Variants in C4orf50 observed in about 807,000 individuals in gnomAD.
C4orf50 encodes the protein chromosome 4 open reading frame 50, also known as uncharacterized protein C4orf50.
In C4orf50, 80 loss-of-function variants were observed where a neutral mutation model predicts 77.2. The observed-to-expected ratio is 1.04, with a 90% CI of 0.87 to 1.25. The LOEUF is 1.25. C4orf50 is among the 50% of genes most tolerant of loss of function. The pLI, the probability that C4orf50 is intolerant of heterozygous loss-of-function variation, is 0.00. For missense variants in C4orf50, 1,257 were observed against 1,152.9 expected (o/e 1.09, Z -1.31); for synonymous variants, 532 against 465.3 (o/e 1.14, Z -1.84).
chr4:5,968,595 G>T (rs933499911), intron 31 of C4orf50, among the ~76,000 whole-genome samples: 7 of 152,176 alleles, frequency 4.6e-5, no homozygotes, highest in Non-Finnish European at 8.8e-5. Flanking sequence ...GCAGCCTTGA[G>T]ACCTTCACTC....
At position 6,017,942 on chromosome 4, in the gene C4orf50, C is replaced by A. The variant is rs1391581196; in HGVS notation, c.287+203G>T. On this transcript the variant is annotated intron_variant, in intron 23 of 33. Transcript: ENST00000531445. The surrounding 1 kb of genome is among the most constrained non-coding windows in gnomAD (Gnocchi z 4.7). Reference sequence around the variant, plus strand: ...AAATGGAAGCCTTTGAGCAGAGGAGCCCGGGCAGCCTCATCTGCAGGTACA... The same window carrying A: ...AAATGGAAGCCTTTGAGCAGAGGAGACCGGGCAGCCTCATCTGCAGGTACA... Among the ~76,000 whole-genome samples, 1 of 152,158 alleles carries A rather than the reference C, an allele frequency of 6.6e-6. No homozygotes were observed. The highest frequency in any genetic ancestry group is 1.5e-5 in the Non-Finnish European group (1 of 68,032).
intron 28 of C4orf50, among the ~76,000 whole-genome samples, chr4:5,984,759 A>C (rs1720771477): frequency 6.6e-6 from 1 of 152,130 alleles, no homozygotes; most frequent in Admixed American, 6.5e-5. Context: ...AGAGGAAAGA[A>C]AAATAGAACA....
At chr4:5,960,617 C>G (rs954460000) in intron 33 of C4orf50, among the ~76,000 whole-genome samples, 1 of 152,174 alleles carries the variant, frequency 6.6e-6, no homozygotes, top group South Asian at 2.1e-4. Context: ...GTGGGAGAGG[C>G]AGACACATAA....
At chr4:5,927,022 G>A (rs10937694) in intron 7 of C4orf50, among the ~76,000 whole-genome samples, 54,136 of 152,078 alleles carry the variant, frequency 0.36, 9,863 homozygotes, top group Non-Finnish European at 0.37. Context: ...GGTGAAATGC[G>A]TGGAAATTCC....
In C4orf50 at chr4:5,984,280, T is replaced by G. The variant is rs138971032; in HGVS notation, c.3700-3942A>C. On this transcript the variant is annotated intron_variant, in intron 28 of 33. Transcript: ENST00000531445. ...AAAATATTATACACAATGTCCAACA[T>G]AAAAGTTTTTGAAATTCCTAGACAT... 6.0e-3 allele frequency among the ~76,000 whole-genome samples: 920 copies of G among 152,288 alleles called. 5 individuals carry two copies. Among genetic ancestry groups the G allele is most frequent in the South Asian group, 0.014 (67 of 4,824 alleles).
intron 7 of C4orf50, among the ~76,000 whole-genome samples, chr4:5,922,406 C>T (rs889532807): frequency 2.6e-5 from 4 of 152,210 alleles, no homozygotes; most frequent in African/African-American, 4.8e-5. Context: ...CTCTACTGCA[C>T]AGTAGTCAGC....
chr4:5,959,202 C>T, exon 34 of C4orf50: 1 of 737,186 alleles, frequency 1.4e-6, no homozygotes, highest in Admixed American at 2.8e-5. Flanking sequence ...AGGCACAGGC[C>T]AGCGTTTCTC....
intron 27 of C4orf50, among the ~76,000 whole-genome samples, chr4:5,991,613 T>G (rs1721300256): frequency 1.3e-5 from 2 of 152,158 alleles, no homozygotes; most frequent in South Asian, 4.1e-4. Flanking sequence ...TGCCTTGAGC[T>G]AGGCTCACTG....
At chr4:5,991,258 C>T (rs1237413370) in intron 27 of C4orf50, among the ~76,000 whole-genome samples, 1 of 152,192 alleles carries the variant, frequency 6.6e-6, no homozygotes, top group African/African-American at 2.4e-5. Flanking sequence ...ACATGGAGCT[C>T]CTAAAATGTA....
chr4:5,944,752 G>A (rs573076775), intron 7 of C4orf50, among the ~76,000 whole-genome samples: 1 of 152,246 alleles, frequency 6.6e-6, no homozygotes, highest in African/African-American at 2.4e-5. Flanking sequence ...ACAGAAGAGG[G>A]CAGCTGGGAC....
chr4:5,902,358 G>A (rs897658930), intron 7 of C4orf50: 2 of 152,224 alleles, frequency 1.3e-5, no homozygotes, highest in African/African-American at 4.8e-5. Flanking sequence ...GCAGATCAGA[G>A]AGATGGGCTC....
intron 7 of C4orf50, among the ~76,000 whole-genome samples, chr4:5,911,783 C>T (rs1716817118): frequency 1.3e-5 from 2 of 152,222 alleles, no homozygotes; most frequent in African/African-American, 4.8e-5. Context: ...CGTGGTGGCT[C>T]ACGCCTGTAA....
At chr4:5,988,615 A>G in exon 28 of C4orf50, 1 of 1,536,180 alleles carries the variant, frequency 6.5e-7, no homozygotes, top group Non-Finnish European at 8.7e-7. Context: ...GGCTCTTGAA[A>G]GCAGCTGTCC....
At chr4:5,925,539 C>G (rs4543063) in intron 7 of C4orf50, among the ~76,000 whole-genome samples, 1 of 152,232 alleles carries the variant, frequency 6.6e-6, no homozygotes, top group Non-Finnish European at 1.5e-5. Context: ...AGCCTGGCCC[C>G]GGGAAACGCA....
chr4:5,969,681 T>C (rs1350793066), intron 31 of C4orf50, among the ~76,000 whole-genome samples: 1 of 152,106 alleles, frequency 6.6e-6, no homozygotes, highest in African/African-American at 2.4e-5. Context: ...GTCTTTAGTC[T>C]AATTCAAACC....
chr4:5,952,201 C>T (rs756450554), downstream of C4orf50, among the ~76,000 whole-genome samples: 11 of 151,864 alleles, frequency 7.2e-5, no homozygotes, highest in Non-Finnish European at 1.0e-4. This position sits in a 1 kb window ranked among gnomAD's most constrained non-coding sequence, Gnocchi z 4.4. Context: ...CGGGTGGAGG[C>T]GACAAGACCT....
At chr4:5,967,557 C>G in intron 31 of C4orf50, 95 bp from the exon 10 acceptor site, 1 of 1,193,476 alleles carries the variant, frequency 8.4e-7, no homozygotes, top group Non-Finnish European at 1.2e-6. Flanking sequence ...GGCCATCACC[C>G]CTCCCCGCAA....
At chr4:5,956,028 T>C (rs538201285), downstream of C4orf50, among the ~76,000 whole-genome samples, 1 of 152,272 alleles carries the variant, frequency 6.6e-6, no homozygotes, top group South Asian at 2.1e-4. Flanking sequence ...GATTTCCTCT[T>C]AGCAATTTAC....
At position 5,908,767 on chromosome 4, in the gene C4orf50, G is replaced by A. The variant is rs1716664430; in HGVS notation, c.*2475-10579C>T. Among the ~76,000 whole-genome samples the A allele has an allele frequency of 2.0e-5, 3 of 152,256 alleles. No homozygotes were observed. The highest frequency in any genetic ancestry group is 7.2e-5 in the African/African-American group (3 of 41,538). On this transcript the variant is annotated intron_variant, in intron 7 of 7. Coordinates refer to the C4orf50 transcript ENST00000324058. This position sits in a 1 kb window ranked among gnomAD's most constrained non-coding sequence, Gnocchi z 5.6. ...TCCCAAGGTCATGCAGCCTTCAGTG[G>A]GGATGCACAGGGGATGTGGGAAGGT... is the stretch of plus-strand genomic sequence containing the variant.
Sources: allele counts gnomAD v4.1 joint callset (sites outside exome capture counted in the v4.1 genomes callset), GRCh38; gene constraint gnomAD v4.1.1; non-coding constraint Gnocchi (gnomAD v3.1); transcripts MANE v1.5; gene names NCBI Gene and HGNC (gene_info 2026-07-23, HGNC 2026-07-21).